MCFD2: variants seen among roughly 807,000 people sequenced by gnomAD.
MCFD2 encodes multiple coagulation factor deficiency 2, ER cargo receptor complex subunit.
MCFD2 carries 11 observed loss-of-function variants against 12.8 expected under a neutral mutation model. That is an observed-to-expected ratio of 0.86 (90% CI 0.54 to 1.42). The LOEUF is 1.42. MCFD2 is among the 40% of genes most tolerant of loss of function. The probability of loss-of-function intolerance (pLI) is 0.00; values close to 1 mark genes in which losing one functional copy is unlikely to be tolerated. For synonymous variants in MCFD2, 70 were observed against 68.1 expected (o/e 1.03, Z -0.14); for missense variants, 191 against 178.6 (o/e 1.07, Z -0.40).
At chr2:46,924,902 T>C (rs887782219) in intron 1 of MCFD2, among the ~76,000 whole-genome samples, 1 of 152,248 alleles carries the variant, frequency 6.6e-6, no homozygotes, top group African/African-American at 2.4e-5. Flanking sequence ...CCTAGGATTA[T>C]GAGCGTGAGC....
rs774875101 is a variant in MCFD2, at chr2:46,909,035, A to G, written c.137T>C (p.Val46Ala). 3 of 1,614,092 alleles carry G rather than the reference A, an allele frequency of 1.9e-6. No individual in the cohort carries two copies. The South Asian group carries it at 3.3e-5, about 18-fold the overall frequency. ...GCTGAATACGTACTCTTGGTCGTGC[A>G]CTGTGTTCTTATCCAGGCCCATGCT... ...PGSMGLDKNT[V>A]HDQEHIMEHL... The change falls in exon 2 of 4, where the codon GTG becomes GCG. Residue 46 changes from valine (V) to alanine (A), a missense_variant. By Grantham distance (64) the Val-to-Ala change is moderately conservative. Transcript: ENST00000319466.
chr2:46,938,337 CT>C (rs906515735), intron 1 of MCFD2, among the ~76,000 whole-genome samples: 10 of 151,440 alleles, frequency 6.6e-5, no homozygotes, highest in South Asian at 2.1e-4. Context: ...ACTATTATAC[CT>C]TTTTTTTTCC....
At position 46,902,765 on chromosome 2, in the gene MCFD2, A is replaced by T. The variant is rs1668064120; in HGVS notation, c.*2698T>A. 2 of 152,202 alleles carry T rather than the reference A, an allele frequency of 1.3e-5. No individual in the cohort carries two copies. Among genetic ancestry groups the T allele is most frequent in the Non-Finnish European group, 1.5e-5 (1 of 68,036 alleles). 9.4% of individuals were successfully genotyped at this position (152,202 alleles called of 1,614,324 possible). On this transcript the variant is annotated 3_prime_UTR_variant, in exon 4 of 4. Coordinates refer to ENST00000319466, the MANE Select transcript of MCFD2 (RefSeq NM_139279.6). ...ATCCACTTGCCCAGAGCAAGTAATC[A>T]TTTAGGCCAGGGGAACTTTACAGAA... is the stretch of plus-strand genomic sequence containing the variant.
chr2:46,916,593 C>G (rs958031572), upstream of MCFD2: 1 of 154,224 alleles, frequency 6.5e-6, no homozygotes, highest in African/African-American at 2.4e-5. Flanking sequence ...TATCCATTGA[C>G]CTGATGGATA....
In MCFD2 at chr2:46,905,421, C is replaced by T. The variant is rs562412082; in HGVS notation, c.*42G>A. The T allele has an allele frequency of 2.9e-5, 47 of 1,608,972 alleles. No individual in the cohort carries two copies. Among genetic ancestry groups the T allele is most frequent in the East Asian group, 1.3e-4 (6 of 44,824 alleles). On this transcript the variant is annotated 3_prime_UTR_variant, in exon 4 of 4. Transcript: ENST00000319466. ...ACTAAAGTGTTCAATCACATTATCA[C>T]GGGTCACATTTGTATATAACCAGGA...
rs1305976467 is a variant in MCFD2 at position 46,937,404 on chromosome 2, G to A, written c.-8+4168C>T. On this transcript the variant is annotated intron_variant, in intron 1 of 2. Transcript: ENST00000409147. This position sits in a 1 kb window ranked among gnomAD's most constrained non-coding sequence, Gnocchi z 4.0. ...AGAATAGAAAAAAAAAATCTCTATGGTGGATTTTAAGCCCTGTTTTCATTT... is the reference window on the plus strand; with the variant it reads ...AGAATAGAAAAAAAAAATCTCTATGATGGATTTTAAGCCCTGTTTTCATTT... Among the ~76,000 whole-genome samples the A allele has an allele frequency of 6.6e-6, 1 of 152,048 alleles. No individual in the cohort carries two copies. The highest frequency in any genetic ancestry group is 1.5e-5 in the Non-Finnish European group (1 of 68,022).
rs1668049053 is a variant in MCFD2 at position 46,902,396 on chromosome 2, A to T, written c.*3067T>A. The T allele has an allele frequency of 6.6e-6, 1 of 152,650 alleles. No homozygotes were observed. The highest frequency in any genetic ancestry group is 1.5e-5 in the Non-Finnish European group (1 of 68,040). The allele number at this position is 152,650 out of a possible 1,614,324, so 9.5% of individuals were successfully genotyped here. A position where few individuals can be genotyped will look rare whatever the true frequency, so the allele number is the denominator to read the frequency against. On this transcript the variant is annotated 3_prime_UTR_variant, in exon 4 of 4. Transcript: ENST00000319466. Reference sequence around the variant, plus strand: ...AGGTGGTAGTTTTACCCCTGCTGATAAAGTCCTGACATTCCTAATAGTTCC... The same window carrying T: ...AGGTGGTAGTTTTACCCCTGCTGATTAAGTCCTGACATTCCTAATAGTTCC...
At position 46,908,852 on chromosome 2, in the gene MCFD2, A is replaced by C; in HGVS notation, c.149+171T>G. 1 of 862,014 alleles carries C rather than the reference A, an allele frequency of 1.2e-6. No individual in the cohort carries two copies. The highest frequency in any genetic ancestry group is 1.8e-6 in the Non-Finnish European group (1 of 543,124). 53.4% of individuals were successfully genotyped at this position (862,014 alleles called of 1,614,324 possible). A position where few individuals can be genotyped will look rare whatever the true frequency, so the allele number is the denominator to read the frequency against. On this transcript the variant is annotated intron_variant, in intron 2 of 3. Transcript: ENST00000319466. The surrounding 1 kb of genome is among the most constrained non-coding windows in gnomAD (Gnocchi z 4.5). ...CTTCCACCTGTGATACAATGATGAA[A>C]AAAGAATACCTGACTTATAGGTGGC...
upstream of MCFD2, chr2:46,915,999 C>G: frequency 2.0e-6 from 2 of 985,456 alleles, no homozygotes; most frequent in Non-Finnish European, 2.4e-6. Flanking sequence ...CCAAGGGCGA[C>G]ACTCGGCTCC....
chr2:46,915,992 A>G (rs1668762908), upstream of MCFD2: 4 of 985,384 alleles, frequency 4.1e-6, no homozygotes, highest in South Asian at 4.7e-5. Context: ...TGCTTTCCCA[A>G]GGGCGACACT....
At chr2:46,909,454 C>T (rs1039858838) in intron 1 of MCFD2, among the ~76,000 whole-genome samples, 1 of 152,096 alleles carries the variant, frequency 6.6e-6, no homozygotes, top group African/African-American at 2.4e-5. Context: ...GAAGATTATT[C>T]TTGCCTCCCA....
At chr2:46,935,430 C>A (rs1669930452) in intron 1 of MCFD2, among the ~76,000 whole-genome samples, 1 of 152,078 alleles carries the variant, frequency 6.6e-6, no homozygotes, top group African/African-American at 2.4e-5. Flanking sequence ...AATAAAAAAA[C>A]AAAACAGACC....
chr2:46,931,931 G>T (rs1012104231), intron 1 of MCFD2, among the ~76,000 whole-genome samples: 1 of 152,142 alleles, frequency 6.6e-6, no homozygotes, highest in Non-Finnish European at 1.5e-5. Context: ...GTTGATTCCA[G>T]AAATGTGAGG....
At chr2:46,923,735 A>T (rs538845506) in intron 1 of MCFD2, among the ~76,000 whole-genome samples, 2 of 150,794 alleles carry the variant, frequency 1.3e-5, no homozygotes, top group East Asian at 2.0e-4. Flanking sequence ...CTATAGAAAA[A>T]CTTTTTTTTT....
At chr2:46,930,789 C>G (rs932520038) in intron 1 of MCFD2, among the ~76,000 whole-genome samples, 8 of 152,030 alleles carry the variant, frequency 5.3e-5, no homozygotes, top group Non-Finnish European at 2.9e-5. Flanking sequence ...CGTGAGCCAC[C>G]GCACCCAGCC....
intron 1 of MCFD2, among the ~76,000 whole-genome samples, chr2:46,932,137 T>C (rs1393421842): frequency 6.6e-6 from 1 of 151,836 alleles, no homozygotes; most frequent in Admixed American, 6.6e-5. Context: ...GAAAGCAATG[T>C]AGGGCTTCTG....
At position 46,941,736 on chromosome 2, in the gene MCFD2, G is replaced by A. The variant is rs2103889593; in HGVS notation, c.-172C>T. On this transcript the variant is annotated 5_prime_UTR_variant, in exon 1 of 3. Coordinates refer to the MCFD2 transcript ENST00000409147. This position sits in a 1 kb window ranked among gnomAD's most constrained non-coding sequence, Gnocchi z 4.2. Reference sequence around the variant, plus strand: ...CCTTTCCGGACACCGGTGAGTAAGGGAAGAGGCTGGCTCGCCGGCAGCGAG... The same window carrying A: ...CCTTTCCGGACACCGGTGAGTAAGGAAAGAGGCTGGCTCGCCGGCAGCGAG... 6.5e-7 allele frequency: 1 copy of A among 1,548,948 alleles called. No individual in the cohort carries two copies. The highest frequency in any genetic ancestry group is 2.4e-5 in the East Asian group (1 of 40,906).
In MCFD2 at chr2:46,907,137, C is replaced by T. The variant is rs1402303051; in HGVS notation, c.309+673G>A. 2 of 156,104 alleles carry T rather than the reference C, an allele frequency of 1.3e-5. No individual in the cohort carries two copies. The highest frequency in any genetic ancestry group is 4.8e-5 in the African/African-American group (2 of 41,468). 9.7% of individuals were successfully genotyped at this position (156,104 alleles called of 1,614,324 possible). A position where few individuals can be genotyped will look rare whatever the true frequency, so the allele number is the denominator to read the frequency against. ...ACAAGCCCTCAATTACTGCCACGTC[C>T]CTGAATCCCTTGGTGTCAATTCACC... On this transcript the variant is annotated intron_variant, in intron 3 of 3. Transcript: ENST00000319466. This position sits in a 1 kb window ranked among gnomAD's most constrained non-coding sequence, Gnocchi z 4.1.
intron 1 of MCFD2, among the ~76,000 whole-genome samples, chr2:46,925,065 A>G (rs1195919565): frequency 6.6e-6 from 1 of 152,222 alleles, no homozygotes; most frequent in African/African-American, 2.4e-5. Flanking sequence ...TTCAGCTTTC[A>G]GTATTTTTCT....
Sources: gnomAD v4.1 joint callset for allele counts (sites outside exome capture counted in the v4.1 genomes callset) on GRCh38, gnomAD v4.1.1 for gene constraint, Gnocchi (gnomAD v3.1) non-coding constraint, MANE v1.5 for transcripts, NCBI Gene and HGNC (gene_info 2026-07-23, HGNC 2026-07-21) for gene names.